Variants in GFRA1 observed in about 807,000 individuals in gnomAD.
The protein encoded by GFRA1 is GDNF family receptor alpha 1, also known as GDNF family receptor alpha-1.
Under a neutral mutation model 51.6 loss-of-function variants are expected in GFRA1, and 16 were observed. That is an observed-to-expected ratio of 0.31 (90% CI 0.21 to 0.47). The LOEUF is 0.47. Among genes scored for constraint, GFRA1 ranks in the 20% least tolerant of loss-of-function variants. GFRA1 has a pLI of 1.00. For missense variants in GFRA1, 530 were observed against 594.3 expected, an observed-to-expected ratio of 0.89 and a Z score of 1.13; for synonymous variants, 270 against 241.3, an observed-to-expected ratio of 1.12 and a Z score of -1.10.
chr10:116,117,665 A>C (rs1473029400), intron 6 of GFRA1, among the ~76,000 whole-genome samples: 1 of 151,990 alleles, frequency 6.6e-6, no homozygotes, highest in Non-Finnish European at 1.5e-5. Context: ...AGATGGTGGG[A>C]TGGGGGATGG....
intron 4 of GFRA1, among the ~76,000 whole-genome samples, chr10:116,220,810 T>C (rs1360436526): frequency 3.9e-5 from 6 of 152,208 alleles, no homozygotes; most frequent in Non-Finnish European, 5.9e-5. Context: ...AAAGGAGCGA[T>C]TGACAAGAAA....
intron 4 of GFRA1, among the ~76,000 whole-genome samples, chr10:116,266,407 C>T (rs562871818): frequency 6.6e-6 from 1 of 152,308 alleles, no homozygotes; most frequent in East Asian, 1.9e-4. Flanking sequence ...CATCCTGTTC[C>T]TCCATCCTTT....
At chr10:116,221,614 G>A (rs367992143) in intron 4 of GFRA1, among the ~76,000 whole-genome samples, 4 of 152,142 alleles carry the variant, frequency 2.6e-5, no homozygotes, top group Admixed American at 2.6e-4. Context: ...TAGCAGAGAT[G>A]TGGTTTCACT....
At chr10:116,247,273 T>C (rs1213557527) in intron 4 of GFRA1, among the ~76,000 whole-genome samples, 1 of 152,242 alleles carries the variant, frequency 6.6e-6, no homozygotes, top group East Asian at 1.9e-4. Flanking sequence ...CCCTTGAATC[T>C]AACTGCTTCT....
chr10:116,110,973 C>G (rs548658277), intron 6 of GFRA1, among the ~76,000 whole-genome samples: 1 of 152,244 alleles, frequency 6.6e-6, no homozygotes, highest in South Asian at 2.1e-4. Context: ...ATCTTGAACA[C>G]ACGTGTGTTT....
intron 9 of GFRA1, among the ~76,000 whole-genome samples, chr10:116,073,725 A>G (rs1955502470): frequency 6.6e-6 from 1 of 152,178 alleles, no homozygotes; most frequent in Non-Finnish European, 1.5e-5. Flanking sequence ...CATGAAGCCT[A>G]TCTCATCAGA....
At chr10:116,125,627 T>G in intron 5 of GFRA1, 70 bp from the exon 6 acceptor site, 3 of 1,233,460 alleles carry the variant, frequency 2.4e-6, no homozygotes, top group Non-Finnish European at 3.5e-6. Flanking sequence ...TCTGTTTTAA[T>G]TGAGATCCTG....
chr10:116,170,187 C>A (rs1356837594), intron 5 of GFRA1, among the ~76,000 whole-genome samples: 1 of 152,138 alleles, frequency 6.6e-6, no homozygotes, highest in Non-Finnish European at 1.5e-5. Context: ...AGAGACTCAC[C>A]ACCATGGTTA....
intron 6 of GFRA1, among the ~76,000 whole-genome samples, chr10:116,110,907 C>T (rs960698842): frequency 8.5e-5 from 13 of 152,172 alleles, no homozygotes; most frequent in African/African-American, 2.4e-4. Flanking sequence ...GTACCATGTA[C>T]TTGTACAGGC....
At chr10:116,151,203 A>G (rs148700221) in intron 5 of GFRA1, among the ~76,000 whole-genome samples, 7 of 152,298 alleles carry the variant, frequency 4.6e-5, no homozygotes, top group Admixed American at 4.6e-4. Flanking sequence ...AGCTCCAGGC[A>G]TGCTTTCTGC....
chr10:116,099,351 G>T lies in GFRA1; in HGVS notation c.771-2587C>A, dbSNP rs374401617. Among the ~76,000 whole-genome samples the T allele has an allele frequency of 6.6e-5, 10 of 152,260 alleles. No individual in the cohort carries two copies. The East Asian group carries it at 1.5e-3, about 24-fold the overall frequency. ...CTGGTTGTTAAATATTTACTGGCAC[G>T]TCTCTATTTAAGAACCAGTATGATG... is the stretch of plus-strand genomic sequence containing the variant. On this transcript the variant is annotated intron_variant, in intron 6 of 10. Transcript: ENST00000355422.
intron 9 of GFRA1, among the ~76,000 whole-genome samples, chr10:116,072,899 A>ATACTC (rs1174112108): frequency 1.3e-5 from 2 of 152,106 alleles, no homozygotes; most frequent in Non-Finnish European, 2.9e-5. Context: ...ATCTAATGTG[A>ATACTC]TACTCTAGAT....
chr10:116,059,999 G>A lies in GFRA1; in HGVS notation c.*4399C>T, dbSNP rs1954725767. ...TTAGGCAATAAAGAACAAGGTGGTG[G>A]AGGGAGGCCTGAATAATAACGATGA... On this transcript the variant is annotated 3_prime_UTR_variant, in exon 11 of 11. Transcript: ENST00000355422. 1 of 152,224 alleles carries A rather than the reference G, an allele frequency of 6.6e-6. No homozygotes were observed. Among genetic ancestry groups the A allele is most frequent in the African/African-American group, 2.4e-5 (1 of 41,460 alleles). The allele number at this position is 152,224 out of a possible 1,614,324, so 9.4% of individuals were successfully genotyped here.
At chr10:116,265,192 A>G (rs974660239) in intron 4 of GFRA1, among the ~76,000 whole-genome samples, 27 of 152,304 alleles carry the variant, frequency 1.8e-4, no homozygotes, top group African/African-American at 6.3e-4. Context: ...GCTTCCCGGA[A>G]AGGTCAAAGC....
At chr10:116,211,560 T>C in intron 5 of GFRA1, 71 bp downstream of exon 5, 7 of 1,353,606 alleles carry the variant, frequency 5.2e-6, no homozygotes, top group Non-Finnish European at 7.2e-6. Flanking sequence ...TAACCCTCTG[T>C]ACACAGACCA....
At chr10:116,231,516 A>G (rs2134567105) in intron 4 of GFRA1, among the ~76,000 whole-genome samples, 1 of 152,330 alleles carries the variant, frequency 6.6e-6, no homozygotes, top group Non-Finnish European at 1.5e-5. Flanking sequence ...AAATTATATA[A>G]TCGATACAAA....
At chr10:116,186,566 C>T (rs921261939) in intron 5 of GFRA1, among the ~76,000 whole-genome samples, 52 of 76,104 alleles carry the variant, frequency 6.8e-4, no homozygotes, top group South Asian at 2.9e-3. Flanking sequence ...AGAGGAAAGG[C>T]TCTTAAAAAA....
At chr10:116,261,706 T>C (rs1182785944) in intron 4 of GFRA1, among the ~76,000 whole-genome samples, 3 of 152,176 alleles carry the variant, frequency 2.0e-5, no homozygotes, top group Non-Finnish European at 4.4e-5. Flanking sequence ...AATAAAATGC[T>C]AGAAAGAAAA....
chr10:116,118,722 A>T (rs1298034261), intron 6 of GFRA1, among the ~76,000 whole-genome samples: 1 of 152,164 alleles, frequency 6.6e-6, no homozygotes, highest in Non-Finnish European at 1.5e-5. Flanking sequence ...TCTGTCCACA[A>T]TGATCAACAC....
Sources: gnomAD v4.1 joint callset for allele counts (sites outside exome capture counted in the v4.1 genomes callset) on GRCh38, gnomAD v4.1.1 for gene constraint, MANE v1.5 for transcripts, NCBI Gene and HGNC (gene_info 2026-07-23, HGNC 2026-07-21) for gene names.